Variants in PCDHGA2 observed in about 807,000 individuals in gnomAD.
PCDHGA2 encodes the protein protocadherin gamma-A2.
Under a neutral mutation model 59.2 loss-of-function variants are expected in PCDHGA2, and 40 were observed. The ratio of observed to expected loss-of-function variants is 0.68; its 90% CI spans 0.52 to 0.88. PCDHGA2 has a LOEUF of 0.88. Ranked by LOEUF, PCDHGA2 falls within the 40% of genes least tolerant of loss-of-function variation. The probability of loss-of-function intolerance (pLI) is 0.00; values close to 1 mark genes in which losing one functional copy is unlikely to be tolerated. For synonymous variants in PCDHGA2, 560 were observed against 526.0 expected (o/e 1.06, Z -0.89); for missense variants, 1,226 against 1,204.0 (o/e 1.02, Z -0.27).
At chr5:141,366,924 G>T in intron 1 of PCDHGA2, 1 of 997,638 alleles carries the variant, frequency 1.0e-6, no homozygotes, top group Non-Finnish European at 1.4e-6. Flanking sequence ...TTCAAATTCT[G>T]TTTTGGGAAG....
intron 1 of PCDHGA2, among the ~76,000 whole-genome samples, chr5:141,449,003 T>A (rs2098622649): frequency 1.3e-5 from 2 of 152,280 alleles, no homozygotes; most frequent in African/African-American, 4.8e-5. Context: ...AAAGCTGTTT[T>A]TTTTAACAGT....
chr5:141,420,845 G>T (rs1038454602), intron 1 of PCDHGA2, among the ~76,000 whole-genome samples: 4 of 152,200 alleles, frequency 2.6e-5, no homozygotes, highest in Non-Finnish European at 4.4e-5. Context: ...GGTGTTCTTG[G>T]TAAAGTTTTA....
At chr5:141,481,592 C>T (rs765060653) in intron 1 of PCDHGA2, among the ~76,000 whole-genome samples, 2 of 152,112 alleles carry the variant, frequency 1.3e-5, no homozygotes, top group East Asian at 1.9e-4. Context: ...CTGAGGCCAG[C>T]GGATCACCTG....
intron 1 of PCDHGA2, chr5:141,404,979 G>A (rs771576875): frequency 6.2e-7 from 1 of 1,613,994 alleles, no homozygotes; most frequent in Non-Finnish European, 8.5e-7. Context: ...GCTGACCTGG[G>A]CAGTCTTCAG....
intron 1 of PCDHGA2, chr5:141,419,506 C>T (rs527369615): frequency 6.2e-7 from 1 of 1,612,352 alleles, no homozygotes; most frequent in Non-Finnish European, 8.5e-7. Context: ...TGAGCCTGCG[C>T]GTGTTGGTGG....
chr5:141,357,388 A>C (rs762308413), intron 1 of PCDHGA2: 2 of 1,614,224 alleles, frequency 1.2e-6, no homozygotes, highest in Non-Finnish European at 1.7e-6. Context: ...CGCTGAAGGC[A>C]GCAGGTTGGC....
At chr5:141,447,136 TTTTTTG>T (rs1304915683) in intron 1 of PCDHGA2, among the ~76,000 whole-genome samples, 4 of 152,090 alleles carry the variant, frequency 2.6e-5, no homozygotes, top group Admixed American at 6.6e-5. Context: ...TGTTTGTTTG[TTTTTTG>T]TTTTTGTTTT....
At chr5:141,483,064 A>G (rs1245942485) in intron 1 of PCDHGA2, among the ~76,000 whole-genome samples, 2 of 152,142 alleles carry the variant, frequency 1.3e-5, no homozygotes, top group Non-Finnish European at 2.9e-5. Context: ...CAGCATGGGC[A>G]ACAGAGAGAG....
chr5:141,483,730 T>G (rs999201456), intron 1 of PCDHGA2, among the ~76,000 whole-genome samples: 1 of 152,014 alleles, frequency 6.6e-6, no homozygotes, highest in Non-Finnish European at 1.5e-5. Flanking sequence ...CCCACCATAG[T>G]CAAAAGGATA....
In PCDHGA2 at chr5:141,430,937, G is replaced by C. The variant is rs888990395; in HGVS notation, c.2425-63870G>C. ...CCTGGGGCTGGAGCCCCGGGAGCTC[G>C]CGGAGCGCGGAGTCCGCATCATCCC... On this transcript the variant is annotated intron_variant, in intron 1 of 3. Coordinates refer to ENST00000394576, the MANE Select transcript of PCDHGA2 (RefSeq NM_018915.4). The C allele has an allele frequency of 8.7e-6, 14 of 1,607,498 alleles. No individual in the cohort carries two copies. The highest frequency in any genetic ancestry group is 1.7e-5 in the Admixed American group (1 of 58,732).
At chr5:141,418,065 G>T in intron 1 of PCDHGA2, 1 of 1,614,064 alleles carries the variant, frequency 6.2e-7, no homozygotes, top group East Asian at 2.2e-5. Context: ...CTGCGAGTGA[G>T]CGCGGAGAAG....
In PCDHGA2 at chr5:141,477,085, G is replaced by A. The variant is rs1420972762; in HGVS notation, c.2425-17722G>A. On this transcript the variant is annotated intron_variant, in intron 1 of 3. Coordinates refer to ENST00000394576, the MANE Select transcript of PCDHGA2 (RefSeq NM_018915.4). This position sits in a 1 kb window ranked among gnomAD's most constrained non-coding sequence, Gnocchi z 4.9. ...CCAAACTCCATGAGATTTACATCCAGGCCAAAGACAAGGGCGCCAATCCCG... is the reference window on the plus strand; with the variant it reads ...CCAAACTCCATGAGATTTACATCCAAGCCAAAGACAAGGGCGCCAATCCCG... 1 of 1,614,262 alleles carries A rather than the reference G, an allele frequency of 6.2e-7. No individual in the cohort carries two copies. The highest frequency in any genetic ancestry group is 1.7e-5 in the Admixed American group (1 of 60,034).
In PCDHGA2 at chr5:141,339,136, G is replaced by T; in HGVS notation, c.165G>T (p.Glu55Asp). The change falls in exon 1 of 4, where the codon GAG becomes GAT. Residue 55 changes from glutamate (E) to aspartate (D), a missense_variant. By Grantham distance (45) the Glu-to-Asp change is conservative (BLOSUM62 2). Transcript: ENST00000394576. Reference sequence around the variant, plus strand: ...ACATCGCCAAGGACTTGGGTTTGGAGCCCCTGGCACTGGCAGAGCAGGGAG... The same window carrying T: ...ACATCGCCAAGGACTTGGGTTTGGATCCCCTGGCACTGGCAGAGCAGGGAG... ...VGNIAKDLGL[E>D]PLALAEQGVR... is the part of the protein sequence containing the mutation. 1.2e-6 allele frequency: 2 copies of T among 1,614,236 alleles called. No homozygotes were observed. Among genetic ancestry groups the T allele is most frequent in the Non-Finnish European group, 1.7e-6 (2 of 1,180,032 alleles).
chr5:141,339,326 G>A lies in PCDHGA2; in HGVS notation c.355G>A (p.Val119Ile). ...LLEDKLTIYS[V>I]EVEITDINDN... ...GGAGGATAAATTGACTATTTATTCA[G>A]TAGAGGTGGAAATAACAGATATTAA... The change falls in exon 1 of 4, where the codon GTA becomes ATA. Residue 119 changes from valine to isoleucine, a missense_variant. By Grantham distance (29) the Val-to-Ile change is conservative. Coordinates refer to ENST00000394576, the MANE Select transcript of PCDHGA2 (RefSeq NM_018915.4). The A allele has an allele frequency of 6.2e-7, 1 of 1,614,262 alleles. No individual in the cohort carries two copies. Among genetic ancestry groups the A allele is most frequent in the African/African-American group, 1.3e-5 (1 of 75,080 alleles).
chr5:141,431,995 G>A lies in PCDHGA2; in HGVS notation c.2425-62812G>A. 6.2e-7 allele frequency: 1 copy of A among 1,614,048 alleles called. No individual in the cohort carries two copies. Among genetic ancestry groups the A allele is most frequent in the East Asian group, 2.2e-5 (1 of 44,898 alleles). The stretch of plus-strand genomic sequence containing the variant: ...TAGTCACAGACATAGTCTTGGATAG[G>A]GAACAGGTTCCTAGCTACAACATCA... On this transcript the variant is annotated intron_variant, in intron 1 of 3. Coordinates refer to ENST00000394576, the MANE Select transcript of PCDHGA2 (RefSeq NM_018915.4). This position sits in a 1 kb window ranked among gnomAD's most constrained non-coding sequence, Gnocchi z 4.8.
rs200323374 is a variant in PCDHGA2, at chr5:141,340,167, A to G, written c.1196A>G (p.Asp399Gly). The G allele has an allele frequency of 6.2e-7, 1 of 1,614,148 alleles. No individual in the cohort carries two copies. The highest frequency in any genetic ancestry group is 2.2e-5 in the East Asian group (1 of 44,878). ...DLPFKLEKSV[D>G]NYYRLVTTRA... ...CCTTTTAAGTTAGAAAAGTCAGTAG[A>G]CAATTACTACCGACTGGTTACAACC... Residue 399 changes from aspartate to glycine, a missense_variant, in exon 1 of 4, where the codon GAC becomes GGC. Transcript: ENST00000394576.
Position 141,490,320 on chromosome 5 carries a change from A to G in PCDHGA2, c.2425-4487A>G. The G allele has an allele frequency of 6.2e-7, 1 of 1,614,228 alleles. No individual in the cohort carries two copies. The highest frequency in any genetic ancestry group is 1.1e-5 in the South Asian group (1 of 91,088). ...TGGCCTCTTTGGCCAACCCTGTCCT[A>G]GAGAGCACACCAGTGGGCACAGTAG... On this transcript the variant is annotated intron_variant, in intron 1 of 3. Transcript: ENST00000394576. The surrounding 1 kb of genome is among the most constrained non-coding windows in gnomAD (Gnocchi z 5.4).
chr5:141,364,177 C>G (rs1432921471), intron 1 of PCDHGA2: 4 of 848,374 alleles, frequency 4.7e-6, no homozygotes, highest in Non-Finnish European at 6.7e-6. Flanking sequence ...GACTCTGCTC[C>G]CTCCATACTA....
chr5:141,403,687 G>A, intron 1 of PCDHGA2: 1 of 1,613,872 alleles, frequency 6.2e-7, no homozygotes, highest in East Asian at 2.2e-5. Context: ...TTGCTCAACG[G>A]ATTTACCGAG....
Sources: gnomAD v4.1 joint callset for allele counts (sites outside exome capture counted in the v4.1 genomes callset) on GRCh38, gnomAD v4.1.1 for gene constraint, Gnocchi (gnomAD v3.1) non-coding constraint, MANE v1.5 for transcripts, NCBI Gene and HGNC (gene_info 2026-07-23, HGNC 2026-07-21) for gene names.